Variants in NPAS3 observed in about 807,000 individuals in gnomAD.
NPAS3 encodes the protein neuronal PAS domain-containing protein 3.
In NPAS3, 14 loss-of-function variants were observed where a neutral mutation model predicts 73.1. The ratio of observed to expected loss-of-function variants is 0.19; its 90% CI spans 0.13 to 0.30. The LOEUF (loss-of-function observed/expected upper bound fraction) is 0.30. Among genes scored for constraint, NPAS3 ranks in the 10% least tolerant of loss-of-function variants. NPAS3 has a pLI of 1.00. For synonymous variants in NPAS3, 620 were observed against 541.5 expected (o/e 1.14, Z -2.01); for missense variants, 1,096 against 1,250.0 (o/e 0.88, Z 1.86).
At chr14:33,175,969 A>G (rs760990576) in intron 2 of NPAS3, among the ~76,000 whole-genome samples, 12 of 152,194 alleles carry the variant, frequency 7.9e-5, no homozygotes, top group Non-Finnish European at 1.5e-4. Flanking sequence ...GAATTTAAAA[A>G]TGCTTGCTAT....
intron 5 of NPAS3, among the ~76,000 whole-genome samples, chr14:33,619,274 T>G (rs777127315): frequency 1.3e-5 from 2 of 152,208 alleles, no homozygotes; most frequent in Non-Finnish European, 1.5e-5. Context: ...TGAAATTTAC[T>G]GTGAAATCCA....
rs77264593 is a variant in NPAS3 at position 33,023,908 on chromosome 14, C to T, written c.51-31997C>T. Among the ~76,000 whole-genome samples, 1,219 of 152,160 alleles carry T rather than the reference C, an allele frequency of 8.0e-3. 5 individuals are homozygous for T. The highest frequency in any genetic ancestry group is 0.013 in the Non-Finnish European group (909 of 68,010). On this transcript the variant is annotated intron_variant, in intron 1 of 11. Coordinates refer to ENST00000356141, the Ensembl canonical transcript of NPAS3. ...ATCAACTCAGCAAATACTTATTGAA[C>T]ATTTACTGTATGTCGACCACTAATG... is the stretch of plus-strand genomic sequence containing the variant.
intron 5 of NPAS3, among the ~76,000 whole-genome samples, chr14:33,623,067 G>A (rs1306534547): frequency 1.3e-5 from 2 of 152,176 alleles, no homozygotes; most frequent in African/African-American, 4.8e-5. Flanking sequence ...GAAGGGAACA[G>A]TTTTATAAAC....
chr14:33,149,860 C>A (rs1293604847), intron 2 of NPAS3, among the ~76,000 whole-genome samples: 2 of 152,122 alleles, frequency 1.3e-5, no homozygotes, highest in Non-Finnish European at 2.9e-5. Flanking sequence ...TAGGTATACA[C>A]ATGCCATGGT....
chr14:33,549,073 C>T (rs1361069898), intron 4 of NPAS3, among the ~76,000 whole-genome samples: 3 of 138,760 alleles, frequency 2.2e-5, no homozygotes, highest in Admixed American at 7.6e-5. Context: ...ATATATAGAA[C>T]AAATCTGTGT....
In NPAS3 at chr14:33,422,208, T is replaced by G. The variant is rs191239561; in HGVS notation, c.468+54940T>G. 5.3e-5 allele frequency among the ~76,000 whole-genome samples: 8 copies of G among 152,098 alleles called. No individual in the cohort carries two copies. The East Asian group carries it at 1.6e-3, about 29-fold the overall frequency. ...TCTTAGTAAGTGTTATATGATAACA[T>G]TTTGAGATTCTCATCTGAGAGTTGA... On this transcript the variant is annotated intron_variant, in intron 4 of 11. Transcript: ENST00000356141.
intron 2 of NPAS3, among the ~76,000 whole-genome samples, chr14:33,132,386 G>A (rs1355574558): frequency 2.0e-5 from 3 of 152,108 alleles, no homozygotes; most frequent in Admixed American, 6.6e-5. Context: ...TTGGATTTTC[G>A]AGTTGTCTGT....
intron 5 of NPAS3, among the ~76,000 whole-genome samples, chr14:33,616,912 A>G (rs2057936487): frequency 6.6e-6 from 1 of 152,176 alleles, no homozygotes. Context: ...GTGGGTAGAA[A>G]ATTACATGGC....
intron 1 of NPAS3, among the ~76,000 whole-genome samples, chr14:32,997,060 T>A (rs1447654446): frequency 6.6e-6 from 1 of 152,156 alleles, no homozygotes; most frequent in Non-Finnish European, 1.5e-5. Context: ...CCTCATGCAT[T>A]AGCATGACCT....
rs1409338463 is a variant in NPAS3, at chr14:33,774,318, A to G, written c.853-19A>G. ...GATGTAAATTTGACTGGTGTCCTGT[A>G]CTTAATGTTGTTTTACAGGTGATTC... On this transcript the variant is annotated intron_variant, in intron 7 of 11. Transcript: ENST00000356141. 1.2e-6 allele frequency: 2 copies of G among 1,607,378 alleles called. No individual in the cohort carries two copies. The highest frequency in any genetic ancestry group is 1.1e-5 in the South Asian group (1 of 90,768).
rs183608563 is a variant in NPAS3 at position 33,465,719 on chromosome 14, G to A, written c.469-94402G>A. On this transcript the variant is annotated intron_variant, in intron 4 of 11. Transcript: ENST00000356141. ...TATACTAAATAAAAATGGCCATTAC[G>A]CTCTTTTATTTCCTTTCGCAAAACA... 4.0e-3 allele frequency among the ~76,000 whole-genome samples: 604 copies of A among 152,028 alleles called. 4 individuals carry two copies. Among genetic ancestry groups the A allele is most frequent in the African/African-American group, 0.014 (569 of 41,466 alleles).
At chr14:33,108,833 G>A (rs2042802035) in intron 2 of NPAS3, among the ~76,000 whole-genome samples, 1 of 152,050 alleles carries the variant, frequency 6.6e-6, no homozygotes, top group Non-Finnish European at 1.5e-5. Flanking sequence ...TAGTCTGCTT[G>A]CCTGCCAGCT....
chr14:33,404,240 G>A (rs2047567323), intron 4 of NPAS3, among the ~76,000 whole-genome samples: 1 of 152,106 alleles, frequency 6.6e-6, no homozygotes, highest in Non-Finnish European at 1.5e-5. Context: ...TGAACTTCTT[G>A]TTGCTATACT....
At chr14:33,425,690 T>C (rs899356982) in intron 4 of NPAS3, among the ~76,000 whole-genome samples, 1 of 152,070 alleles carries the variant, frequency 6.6e-6, no homozygotes. Flanking sequence ...GGGAACAAAA[T>C]GTGTCCCCAG....
chr14:33,590,978 A>G lies in NPAS3; in HGVS notation c.558+30768A>G, dbSNP rs541495719. 6.6e-5 allele frequency among the ~76,000 whole-genome samples: 10 copies of G among 152,050 alleles called. No homozygotes were observed. In the South Asian group the frequency reaches 1.9e-3, roughly 28 times the overall value. ...TGGTCCAGAGGTTTTTGGTGACCCTACATCCCTGTTAGGAAGGAAAAACTT... is the reference window on the plus strand; with the variant it reads ...TGGTCCAGAGGTTTTTGGTGACCCTGCATCCCTGTTAGGAAGGAAAAACTT... On this transcript the variant is annotated intron_variant, in intron 5 of 11. Transcript: ENST00000356141.
rs1327898570 is a variant in NPAS3 at position 33,351,305 on chromosome 14, AACATG to A, written c.386-15873_386-15869del. Among the ~76,000 whole-genome samples the A allele has an allele frequency of 2.0e-5, 3 of 152,306 alleles. No individual in the cohort carries two copies. The East Asian group carries it at 5.8e-4, about 29-fold the overall frequency. On this transcript the variant is annotated intron_variant, in intron 3 of 11. Coordinates refer to ENST00000356141, the Ensembl canonical transcript of NPAS3. ...TGCTGCCCAGATGGGGTCGACGACA[AACATG>A]ACATGACCGATGAGGACTGGGGAAC... is the stretch of plus-strand genomic sequence containing the variant.
At chr14:33,674,284 G>A (rs778269971) in intron 5 of NPAS3, among the ~76,000 whole-genome samples, 7 of 152,222 alleles carry the variant, frequency 4.6e-5, no homozygotes, top group African/African-American at 1.7e-4. Flanking sequence ...TCTATGGTCC[G>A]TGCCAAAATG....
At chr14:33,398,936 A>G (rs1214207346) in intron 4 of NPAS3, among the ~76,000 whole-genome samples, 1 of 152,110 alleles carries the variant, frequency 6.6e-6, no homozygotes, top group Non-Finnish European at 1.5e-5. Flanking sequence ...AATTGTGACA[A>G]TAAAGGCCAT....
At chr14:33,578,155 T>G in intron 5 of NPAS3, 1 of 456,038 alleles carries the variant, frequency 2.2e-6, no homozygotes, top group Non-Finnish European at 4.4e-6. Context: ...CTTTGCCTCC[T>G]TCTCTCTTCA....
Sources: gnomAD v4.1 joint callset for allele counts (sites outside exome capture counted in the v4.1 genomes callset) on GRCh38, gnomAD v4.1.1 for gene constraint, MANE v1.5 for transcripts, NCBI Gene and HGNC (gene_info 2026-07-23, HGNC 2026-07-21) for gene names.